Variants in B3GALT1 observed in about 807,000 individuals in gnomAD.
B3GALT1 encodes the protein UDP-Gal:betaGlcNAc beta 1,3-galactosyltransferase, polypeptide 1.
A neutral mutation model predicts 23.2 loss-of-function variants in B3GALT1; 10 were observed. The observed-to-expected ratio is 0.43, with a 90% CI of 0.27 to 0.73. The LOEUF (loss-of-function observed/expected upper bound fraction) is 0.73, where lower values mean the gene tolerates loss of function less well. Among genes scored for constraint, B3GALT1 ranks in the 30% least tolerant of loss-of-function variants. The pLI, the probability that B3GALT1 is intolerant of heterozygous loss-of-function variation, is 0.21. For missense variants in B3GALT1, 299 were observed against 405.4 expected (o/e 0.74, Z 2.25); for synonymous variants, 156 against 141.5 (o/e 1.10, Z -0.73).
chr2:167,631,286 A>G (rs1303806022), intron 2 of B3GALT1, among the ~76,000 whole-genome samples: 1 of 151,882 alleles, frequency 6.6e-6, no homozygotes, highest in Non-Finnish European at 1.5e-5. Context: ...CATAAGGAAA[A>G]CAAGGGTTGA....
At chr2:167,414,018 T>C (rs1362280473) in intron 1 of B3GALT1, among the ~76,000 whole-genome samples, 1 of 152,152 alleles carries the variant, frequency 6.6e-6, no homozygotes, top group African/African-American at 2.4e-5. Flanking sequence ...TTCCTTTCTC[T>C]ATTAGGTTCA....
intron 2 of B3GALT1, among the ~76,000 whole-genome samples, chr2:167,509,184 A>G (rs1263154354): frequency 6.6e-6 from 1 of 152,258 alleles, no homozygotes; most frequent in Non-Finnish European, 1.5e-5. Context: ...GAAAGTTAGC[A>G]CATAGGAAAA....
At chr2:167,762,162 A>G (rs892914855) in intron 3 of B3GALT1, among the ~76,000 whole-genome samples, 4 of 152,178 alleles carry the variant, frequency 2.6e-5, no homozygotes, top group South Asian at 2.1e-4. Flanking sequence ...GGAGTTTTCA[A>G]CCTCTTTGTT....
chr2:167,436,742 C>G (rs1698791990), intron 1 of B3GALT1, among the ~76,000 whole-genome samples: 1 of 152,210 alleles, frequency 6.6e-6, no homozygotes, highest in Admixed American at 6.5e-5. Context: ...CAGTAGTCAT[C>G]TAGTTTGCTC....
chr2:167,335,374 A>G (rs1019629988), intron 1 of B3GALT1, among the ~76,000 whole-genome samples: 2 of 152,152 alleles, frequency 1.3e-5, no homozygotes, highest in African/African-American at 4.8e-5. Flanking sequence ...CTTAGGCCAT[A>G]TTTAGTTTGT....
intron 2 of B3GALT1, among the ~76,000 whole-genome samples, chr2:167,518,145 C>G (rs1700132094): frequency 6.6e-6 from 1 of 152,114 alleles, no homozygotes; most frequent in Non-Finnish European, 1.5e-5. Flanking sequence ...CATCGAGGAT[C>G]CAAATTATGG....
intron 2 of B3GALT1, among the ~76,000 whole-genome samples, chr2:167,614,340 T>G (rs890829442): frequency 6.6e-6 from 1 of 150,788 alleles, no homozygotes; most frequent in African/African-American, 2.4e-5. Flanking sequence ...AGGAAGATAC[T>G]TAAAAGAGAC....
chr2:167,558,696 C>T lies in B3GALT1; in HGVS notation c.-410+68419C>T, dbSNP rs181977026. On this transcript the variant is annotated intron_variant, in intron 2 of 4. Coordinates refer to ENST00000392690, the MANE Select transcript of B3GALT1 (RefSeq NM_020981.4). ...GGAGGTTCCTACGCCCATGGAGTCT[C>T]GCTGATTGCTAGCACAGCAGTCTGA... 1.3e-3 allele frequency among the ~76,000 whole-genome samples: 195 copies of T among 152,308 alleles called. 1 individual carries two copies. The highest frequency in any genetic ancestry group is 1.9e-3 in the Non-Finnish European group (132 of 68,028).
At chr2:167,830,268 G>A (rs962515920) in intron 4 of B3GALT1, among the ~76,000 whole-genome samples, 4 of 152,026 alleles carry the variant, frequency 2.6e-5, no homozygotes, top group African/African-American at 9.7e-5. Context: ...CACAGACCTG[G>A]GAGCAGGGGT....
chr2:167,338,579 A>G (rs1410275219), intron 1 of B3GALT1, among the ~76,000 whole-genome samples: 1 of 152,138 alleles, frequency 6.6e-6, no homozygotes. Context: ...AGTGCTACTC[A>G]TATGAAAAAA....
chr2:167,553,024 T>C (rs1200171710), intron 2 of B3GALT1, among the ~76,000 whole-genome samples: 2 of 152,164 alleles, frequency 1.3e-5, no homozygotes, highest in Non-Finnish European at 2.9e-5. Flanking sequence ...GGTACTATTT[T>C]ATCCCTGATT....
At chr2:167,770,233 A>G (rs753763319) in intron 3 of B3GALT1, among the ~76,000 whole-genome samples, 3 of 152,282 alleles carry the variant, frequency 2.0e-5, no homozygotes, top group Non-Finnish European at 4.4e-5. Context: ...CAGCCTCCCA[A>G]GTAGCTAGGA....
chr2:167,411,575 G>T (rs2105295951), intron 1 of B3GALT1, among the ~76,000 whole-genome samples: 1 of 152,266 alleles, frequency 6.6e-6, no homozygotes. Flanking sequence ...GACATCTGCT[G>T]GTGAGGTTGT....
At chr2:167,817,331 G>A (rs758402668) in intron 3 of B3GALT1, among the ~76,000 whole-genome samples, 2 of 152,192 alleles carry the variant, frequency 1.3e-5, no homozygotes, top group Non-Finnish European at 2.9e-5. Flanking sequence ...CAGTAAATGT[G>A]GGTAGTTGTT....
chr2:167,304,933 G>C, intron 1 of B3GALT1, among the ~76,000 whole-genome samples: 1 of 152,144 alleles, frequency 6.6e-6, no homozygotes, highest in East Asian at 1.9e-4. Context: ...GGAGAAGATA[G>C]CTGTCCCACC....
intron 1 of B3GALT1, among the ~76,000 whole-genome samples, chr2:167,462,301 G>A (rs1699270162): frequency 6.6e-6 from 1 of 152,102 alleles, no homozygotes; most frequent in Non-Finnish European, 1.5e-5. Flanking sequence ...TGGCTCTCAA[G>A]AGCTGATATA....
chr2:167,393,009 T>C (rs567350447), intron 1 of B3GALT1, among the ~76,000 whole-genome samples: 68 of 151,734 alleles, frequency 4.5e-4, no homozygotes, highest in South Asian at 1.2e-3. Context: ...CCGAGGCGGG[T>C]GGATCACGAA....
At chr2:167,709,402 G>A (rs1403622540) in intron 3 of B3GALT1, among the ~76,000 whole-genome samples, 1 of 152,172 alleles carries the variant, frequency 6.6e-6, no homozygotes, top group Non-Finnish European at 1.5e-5. Context: ...GGTGACTAGG[G>A]AAAGAAATAA....
chr2:167,841,349 G>C (rs1010854649), intron 4 of B3GALT1, among the ~76,000 whole-genome samples: 41 of 152,190 alleles, frequency 2.7e-4, no homozygotes, highest in African/African-American at 9.6e-4. Flanking sequence ...TGGACTTTCT[G>C]GTTCCTCAGA....
Sources: gnomAD v4.1 joint callset for allele counts (sites outside exome capture counted in the v4.1 genomes callset) on GRCh38, gnomAD v4.1.1 for gene constraint, MANE v1.5 for transcripts, NCBI Gene and HGNC (gene_info 2026-07-23, HGNC 2026-07-21) for gene names.